The following FAM149A variants were observed in gnomAD, a reference collection of about 807,000 sequenced individuals.
FAM149A encodes family with sequence similarity 149 member A.
A neutral mutation model predicts 78.2 loss-of-function variants in FAM149A; 71 were observed. The ratio of observed to expected loss-of-function variants is 0.91; its 90% CI spans 0.75 to 1.11. FAM149A has a LOEUF of 1.11. Ranked by LOEUF, FAM149A falls within the 50% of genes least tolerant of loss-of-function variation. The pLI, the probability that FAM149A is intolerant of heterozygous loss-of-function variation, is 0.00. For synonymous variants in FAM149A, 446 were observed against 410.5 expected (o/e 1.09, Z -1.04); for missense variants, 1,036 against 971.0 (o/e 1.07, Z -0.89).
At chr4:186,122,605 C>T (rs1489011379) in intron 1 of FAM149A, 1 of 152,184 alleles carries the variant, frequency 6.6e-6, no homozygotes, top group Admixed American at 6.6e-5. Flanking sequence ...ATGGTTGAAT[C>T]CAGGTGATAG....
At chr4:186,121,845 T>C (rs150936140) in intron 1 of FAM149A, among the ~76,000 whole-genome samples, 1 of 152,346 alleles carries the variant, frequency 6.6e-6, no homozygotes, top group African/African-American at 2.4e-5. Flanking sequence ...ACCTTGGACT[T>C]GATGAATACA....
intron 1 of FAM149A, chr4:186,116,851 T>G: frequency 5.5e-6 from 4 of 733,682 alleles, no homozygotes; most frequent in South Asian, 6.2e-5. Flanking sequence ...ATGGCCCTTG[T>G]GCCAAGCTCA....
At position 186,174,504 on chromosome 4, in the gene FAM149A, GTT is replaced by G; in HGVS notation, c.*2522_*2523del. ...TAAGGTAGGGTATCCAAGATAAAAT[GTT>G]TTTTCTTTGAAAACCACTGAATATA... On this transcript the variant is annotated 3_prime_UTR_variant, in exon 14 of 14. Coordinates refer to ENST00000389354, the MANE Select transcript of FAM149A (RefSeq NM_001367768.3). Among the ~76,000 whole-genome samples the G allele has an allele frequency of 1.8e-5, 2 of 111,362 alleles. 1 individual carries two copies. The highest frequency in any genetic ancestry group is 4.5e-5 in the Non-Finnish European group (2 of 44,260). The allele number at this position is 111,362 out of a possible 152,430, so 73.1% of individuals were successfully genotyped here.
In FAM149A at chr4:186,164,786, T is replaced by C. The variant is rs564550114; in HGVS notation, c.1890-558T>C. ...ATTCAGATGCCACTAACTGTACAAA[T>C]CCCTCTGTGTTCTGACCCCTCCCTC... is the stretch of plus-strand genomic sequence containing the variant. On this transcript the variant is annotated intron_variant, in intron 10 of 13. Transcript: ENST00000389354. This position sits in a 1 kb window ranked among gnomAD's most constrained non-coding sequence, Gnocchi z 4.0. Among the ~76,000 whole-genome samples the C allele has an allele frequency of 6.6e-6, 1 of 152,262 alleles. No individual in the cohort carries two copies. The highest frequency in any genetic ancestry group is 2.4e-5 in the African/African-American group (1 of 41,550).
At position 186,105,500 on chromosome 4, in the gene FAM149A, A is replaced by C; in HGVS notation, c.424A>C (p.Arg142=). Residue 142 remains arginine (R), a synonymous_variant, in exon 1 of 14, where the codon AGG becomes CGG. Transcript: ENST00000389354. ...CGGCGGGGTCTGGGCCGCGCTCCCC[A>C]GGAACCCGCTCCAGCCTGGCCCCGG... 1 of 1,186,444 alleles carries C rather than the reference A, an allele frequency of 8.4e-7. No homozygotes were observed. The highest frequency in any genetic ancestry group is 1.1e-6 in the Non-Finnish European group (1 of 946,618). 73.5% of individuals were successfully genotyped at this position (1,186,444 alleles called of 1,614,324 possible).
At chr4:186,112,939 T>C (rs1172013200) in intron 1 of FAM149A, among the ~76,000 whole-genome samples, 2 of 130,926 alleles carry the variant, frequency 1.5e-5, no homozygotes, top group Non-Finnish European at 1.6e-5. Context: ...ATTCCCTCTT[T>C]TTCTATTGAT....
chr4:186,165,630 A>G (rs1734965912), intron 11 of FAM149A, among the ~76,000 whole-genome samples, 166 bp downstream of exon 11: 1 of 152,264 alleles, frequency 6.6e-6, no homozygotes, highest in Admixed American at 6.5e-5. Context: ...ATGGCTTATG[A>G]GAATTTACAG....
intron 1 of FAM149A, among the ~76,000 whole-genome samples, 174 bp from the exon 2 acceptor site, chr4:186,148,999 G>GGTGTGTGTGTGTGTGTGTGT (rs70964919): frequency 6.8e-6 from 1 of 147,980 alleles, no homozygotes; most frequent in African/African-American, 2.5e-5. Context: ...ATCAGGATGG[G>GGTGTGTGTGTGTGTGTGTGT]GTGTGTGTGT....
chr4:186,156,209 T>C lies in FAM149A; in HGVS notation c.1420+19T>C, dbSNP rs1427322235. The C allele has an allele frequency of 6.3e-7, 1 of 1,595,314 alleles. No homozygotes were observed. The highest frequency in any genetic ancestry group is 8.5e-7 in the Non-Finnish European group (1 of 1,169,790). Reference sequence around the variant, plus strand: ...CTCACAGGTACTTACATGCAGAATTTAGCTTAATGAAAAGAAAAAGTCCCT... The same window carrying C: ...CTCACAGGTACTTACATGCAGAATTCAGCTTAATGAAAAGAAAAAGTCCCT... On this transcript the variant is annotated intron_variant, in intron 7 of 13. Transcript: ENST00000389354.
intron 1 of FAM149A, among the ~76,000 whole-genome samples, chr4:186,147,989 G>C (rs895134521): frequency 3.3e-5 from 5 of 152,196 alleles, no homozygotes; most frequent in Admixed American, 1.3e-4. Context: ...ATGGAAGGTA[G>C]ATGTTCTCGC....
At position 186,151,937 on chromosome 4, in the gene FAM149A, G is replaced by C; in HGVS notation, c.824G>C (p.Arg275Pro). The change falls in exon 4 of 14, where the codon CGG (arginine) becomes CCG (proline). Residue 275 changes from arginine (R) to proline (P), a missense_variant. This residue lies in a region of FAM149A where 716 missense variants were observed against 711.8 expected (regional missense o/e 1.01). Coordinates refer to ENST00000389354, the MANE Select transcript of FAM149A (RefSeq NM_001367768.3). Reference sequence around the variant, plus strand: ...GAAGCCAGTTCACAGTCAGTGCAGCGGTTACTCTGGGAGGTGGAGGAAATG... The same window carrying C: ...GAAGCCAGTTCACAGTCAGTGCAGCCGTTACTCTGGGAGGTGGAGGAAATG... 1 of 1,614,080 alleles carries C rather than the reference G, an allele frequency of 6.2e-7. No individual in the cohort carries two copies. The highest frequency in any genetic ancestry group is 1.6e-4 in the Middle Eastern group (1 of 6,062).
intron 1 of FAM149A, among the ~76,000 whole-genome samples, chr4:186,139,541 G>T (rs2099324949): frequency 6.6e-6 from 1 of 152,162 alleles, no homozygotes; most frequent in Admixed American, 6.5e-5. Flanking sequence ...CATGGAGCCG[G>T]CACCAGACAC....
In FAM149A at chr4:186,163,569, T is replaced by C; in HGVS notation, c.1825T>C (p.Ser609Pro). The stretch of plus-strand genomic sequence containing the variant: ...GCCCTGGAGGCTGCCTTCTCTTGCT[T>C]CAGATTCACAGAGACTAAAAACTCC... Residue 609 changes from serine (S) to proline (P), a missense_variant, in exon 10 of 14, where the codon TCA becomes CCA. This residue lies in a region of FAM149A where 716 missense variants were observed against 711.8 expected (regional missense o/e 1.01). Transcript: ENST00000389354. 6.2e-7 allele frequency: 1 copy of C among 1,614,182 alleles called. No individual in the cohort carries two copies. Among genetic ancestry groups the C allele is most frequent in the Non-Finnish European group, 8.5e-7 (1 of 1,180,042 alleles).
chr4:186,143,838 TTTG>T (rs939039804), intron 1 of FAM149A, among the ~76,000 whole-genome samples: 58 of 152,292 alleles, frequency 3.8e-4, no homozygotes, highest in African/African-American at 1.3e-3. Flanking sequence ...GACTACTGTT[TTTG>T]TTATTGGTAG....
intron 8 of FAM149A, 197 bp downstream of exon 8, chr4:186,157,916 C>A (rs1263387996): frequency 3.9e-6 from 6 of 1,533,094 alleles, no homozygotes; most frequent in Middle Eastern, 3.3e-4. Flanking sequence ...ACCTGGACGT[C>A]CTGCCTATGA....
In FAM149A at chr4:186,167,454, T is replaced by C. The variant is rs11554134; in HGVS notation, c.2218+192T>C. The C allele has an allele frequency of 7.0e-3, 4,633 of 663,292 alleles. 152 individuals carry two copies. In the African/African-American group the frequency reaches 0.076, roughly 11 times the overall value. The allele number at this position is 663,292 out of a possible 1,614,324, so 41.1% of individuals were successfully genotyped here. On this transcript the variant is annotated intron_variant, in intron 13 of 13. Coordinates refer to ENST00000389354, the MANE Select transcript of FAM149A (RefSeq NM_001367768.3). ...CACCTGCAGAGACTTACTTACCTGCTGTGAGGTCAAGAAGAGGGGAATGTC... is the reference window on the plus strand; with the variant it reads ...CACCTGCAGAGACTTACTTACCTGCCGTGAGGTCAAGAAGAGGGGAATGTC...
At chr4:186,161,939 T>C (rs993099497) in intron 8 of FAM149A, among the ~76,000 whole-genome samples, 1 of 152,252 alleles carries the variant, frequency 6.6e-6, no homozygotes. Flanking sequence ...CTGGGATACA[T>C]GTGCAGAATG....
intron 1 of FAM149A, among the ~76,000 whole-genome samples, chr4:186,140,807 C>T (rs1377098041): frequency 6.6e-6 from 1 of 152,138 alleles, no homozygotes; most frequent in Non-Finnish European, 1.5e-5. Context: ...GTACAGGTAA[C>T]ATTGTATTAG....
intron 1 of FAM149A, chr4:186,109,705 G>C (rs933518922): frequency 2.0e-6 from 2 of 982,260 alleles, no homozygotes. Context: ...TCTTGGCACA[G>C]AAATGAAAAT....
Sources: gnomAD v4.1 joint callset for allele counts (sites outside exome capture counted in the v4.1 genomes callset) on GRCh38, gnomAD v4.1.1 for gene constraint, gnomAD v4.1.1 regional missense constraint, Gnocchi (gnomAD v3.1) non-coding constraint, MANE v1.5 for transcripts, NCBI Gene and HGNC (gene_info 2026-07-23, HGNC 2026-07-21) for gene names.